KCTD1: variants seen among roughly 807,000 people sequenced by gnomAD.
KCTD1 encodes BTB/POZ domain-containing protein KCTD1.
In KCTD1, 24 loss-of-function variants were observed where a neutral mutation model predicts 66.0. The ratio of observed to expected loss-of-function variants is 0.36; its 90% CI spans 0.26 to 0.51. The LOEUF is 0.51. Ranked by LOEUF, KCTD1 falls within the 20% of genes least tolerant of loss-of-function variation. KCTD1 has a pLI of 0.95. For synonymous variants in KCTD1, 511 were observed against 517.2 expected (o/e 0.99, Z 0.16); for missense variants, 943 against 1,205.2 (o/e 0.78, Z 3.22).
chr18:26,628,328 A>G (rs1487193263), intron 1 of KCTD1, among the ~76,000 whole-genome samples: 1 of 152,114 alleles, frequency 6.6e-6, no homozygotes, highest in African/African-American at 2.4e-5. Flanking sequence ...TATAATACAC[A>G]CACACACATG....
At chr18:26,621,701 T>C (rs907890177) in intron 1 of KCTD1, among the ~76,000 whole-genome samples, 2 of 152,204 alleles carry the variant, frequency 1.3e-5, no homozygotes, top group African/African-American at 2.4e-5. Context: ...TAAATAGTAT[T>C]GGTTAATACG....
intron 1 of KCTD1, among the ~76,000 whole-genome samples, chr18:26,573,026 C>A (rs940746122): frequency 5.3e-5 from 8 of 151,878 alleles, no homozygotes; most frequent in African/African-American, 1.7e-4. Flanking sequence ...AACCACCCCC[C>A]CCTTTTTTTT....
chr18:26,533,115 T>C (rs541798432), intron 1 of KCTD1, among the ~76,000 whole-genome samples: 20 of 152,316 alleles, frequency 1.3e-4, no homozygotes, highest in African/African-American at 4.8e-4. Flanking sequence ...AGTACTTACA[T>C]AACATGTGAT....
intron 1 of KCTD1, among the ~76,000 whole-genome samples, chr18:26,628,970 G>T (rs1358715418): frequency 6.6e-6 from 1 of 152,216 alleles, no homozygotes; most frequent in Non-Finnish European, 1.5e-5. Context: ...ATGTGTATTT[G>T]CTGGGGGACC....
upstream of KCTD1, among the ~76,000 whole-genome samples, chr18:26,629,715 C>T (rs1031625707): frequency 5.2e-5 from 6 of 116,268 alleles, no homozygotes; most frequent in Non-Finnish European, 9.9e-5. Context: ...AAGAGATTGA[C>T]CCCCCCGCCT....
At chr18:26,574,362 G>T (rs986699224) in intron 1 of KCTD1, among the ~76,000 whole-genome samples, 3 of 152,152 alleles carry the variant, frequency 2.0e-5, no homozygotes, top group Non-Finnish European at 4.4e-5. Flanking sequence ...ATGCCTTTAG[G>T]TAGCACAGTA....
intron 1 of KCTD1, among the ~76,000 whole-genome samples, chr18:26,639,923 G>T (rs145539190): frequency 6.6e-6 from 1 of 152,250 alleles, no homozygotes; most frequent in East Asian, 1.9e-4. Flanking sequence ...ATCAGTAGAT[G>T]GCCAGTTTTG....
At chr18:26,601,487 T>C (rs1383055947) in intron 1 of KCTD1, among the ~76,000 whole-genome samples, 1 of 152,130 alleles carries the variant, frequency 6.6e-6, no homozygotes, top group Non-Finnish European at 1.5e-5. Flanking sequence ...ATTTATTAAG[T>C]TCTTAAATTG....
In KCTD1 at chr18:26,557,195, G is replaced by A. The variant is rs149832186; in HGVS notation, c.-15-55945C>T. Among the ~76,000 whole-genome samples the A allele has an allele frequency of 2.2e-3, 331 of 152,266 alleles. 1 individual carries two copies. Among genetic ancestry groups the A allele is most frequent in the African/African-American group, 7.8e-3 (323 of 41,544 alleles). Reference sequence around the variant, plus strand: ...AAACTTATTCTCTGTCCAACTCTGGGAAGTTAGTTGAACTGTCAGAGTTTG... The same window carrying A: ...AAACTTATTCTCTGTCCAACTCTGGAAAGTTAGTTGAACTGTCAGAGTTTG... On this transcript the variant is annotated intron_variant, in intron 1 of 4. Transcript: ENST00000317932.
intron 1 of KCTD1, among the ~76,000 whole-genome samples, chr18:26,528,720 A>G (rs1309216254): frequency 6.6e-6 from 1 of 152,152 alleles, no homozygotes; most frequent in African/African-American, 2.4e-5. Flanking sequence ...CCCTATAGAG[A>G]AGCTGCAGGA....
chr18:26,553,862 C>T (rs1354945675), intron 1 of KCTD1, among the ~76,000 whole-genome samples: 1 of 149,708 alleles, frequency 6.7e-6, no homozygotes, highest in Non-Finnish European at 1.5e-5. Context: ...GACATTTGCC[C>T]AAGGTCTCCC....
chr18:26,478,677 C>G (rs972650836), intron 2 of KCTD1, among the ~76,000 whole-genome samples: 1 of 152,146 alleles, frequency 6.6e-6, no homozygotes, highest in African/African-American at 2.4e-5. Flanking sequence ...TGTAAAGGAA[C>G]CAGGACTGAG....
Position 26,547,378 on chromosome 18 carries a change from G to T in KCTD1, c.1159C>A (p.Pro387Thr). The T allele has an allele frequency of 6.4e-7, 1 of 1,551,406 alleles. No individual in the cohort carries two copies. Among genetic ancestry groups the T allele is most frequent in the African/African-American group, 1.4e-5 (1 of 73,164 alleles). The change falls in exon 1 of 5, where the codon CCC (proline) becomes ACC (threonine). Residue 387 changes from proline (P) to threonine (T), a missense_variant. Pro to Thr is a conservative substitution (Grantham distance 38). Transcript: ENST00000580059. ...AGGTACTTGACGAAGCTGGCGTAGG[G>T]GCAGAACTCGGTGCCCGTCTCATAC... is the stretch of plus-strand genomic sequence containing the variant. ...RMYETGTEFC[P>T]YASFVKYLSK...
chr18:26,622,261 A>G (rs1318026446), intron 1 of KCTD1, among the ~76,000 whole-genome samples: 1 of 152,188 alleles, frequency 6.6e-6, no homozygotes, highest in Non-Finnish European at 1.5e-5. Flanking sequence ...AGGAGGTGCA[A>G]AGGCATGGGT....
intron 1 of KCTD1, among the ~76,000 whole-genome samples, chr18:26,639,153 T>G (rs1411463286): frequency 2.6e-5 from 4 of 152,020 alleles, no homozygotes; most frequent in Non-Finnish European, 5.9e-5. Context: ...AGTCCAGGAG[T>G]TCCTAGTGTG....
At chr18:26,639,734 T>C (rs1009966632) in intron 1 of KCTD1, among the ~76,000 whole-genome samples, 1 of 152,170 alleles carries the variant, frequency 6.6e-6, no homozygotes, top group African/African-American at 2.4e-5. Context: ...CGCTGTGCTG[T>C]AGGTCAAATG....
At chr18:26,630,394 C>T (rs1987593385), upstream of KCTD1, among the ~76,000 whole-genome samples, 1 of 152,160 alleles carries the variant, frequency 6.6e-6, no homozygotes. Context: ...CGGCTCACTG[C>T]AGCCTCAAAC....
At chr18:26,632,078 A>AC (rs147248927), upstream of KCTD1, among the ~76,000 whole-genome samples, 37,320 of 148,350 alleles carry the variant, frequency 0.25, 4,759 homozygotes, top group Non-Finnish European at 0.28. Context: ...ACAAAAAAAA[A>AC]CCATTTCATT....
chr18:26,465,169 T>G (rs1980655032), intron 3 of KCTD1, among the ~76,000 whole-genome samples: 1 of 152,174 alleles, frequency 6.6e-6, no homozygotes, highest in Non-Finnish European at 1.5e-5. Flanking sequence ...CTGCAACCTC[T>G]GCCTCCCAGG....
Sources: gnomAD v4.1 joint callset for allele counts (sites outside exome capture counted in the v4.1 genomes callset) on GRCh38, gnomAD v4.1.1 for gene constraint, MANE v1.5 for transcripts, NCBI Gene and HGNC (gene_info 2026-07-23, HGNC 2026-07-21) for gene names.